The following MYPN variants were observed in gnomAD, a reference collection of about 807,000 sequenced individuals.
MYPN encodes the protein myopalladin.
MYPN carries 63 observed loss-of-function variants against 129.4 expected under a neutral mutation model. That is an observed-to-expected ratio of 0.49 (90% CI 0.40 to 0.60). The LOEUF (loss-of-function observed/expected upper bound fraction) is 0.60. MYPN is among the 20% of genes least tolerant of loss of function. The probability of loss-of-function intolerance (pLI) is 0.00; values close to 1 mark genes in which losing one functional copy is unlikely to be tolerated. For missense variants in MYPN, 1,596 were observed against 1,635.4 expected, an observed-to-expected ratio of 0.98 and a Z score of 0.42; for synonymous variants, 629 against 600.9, an observed-to-expected ratio of 1.05 and a Z score of -0.68.
At position 68,186,699 on chromosome 10, in the gene MYPN, T is replaced by C. The variant is rs1423343122; in HGVS notation, c.2704-2206T>C. 2.0e-5 allele frequency among the ~76,000 whole-genome samples: 3 copies of C among 152,302 alleles called. No individual in the cohort carries two copies. In the East Asian group the frequency reaches 5.8e-4, roughly 29 times the overall value. On this transcript the variant is annotated intron_variant, in intron 12 of 19. Transcript: ENST00000358913. ...GATCTTATTGAGCGCTCACCTGCCA[T>C]GGTGCAGGTACTCTTCTAGGTGCTG...
At chr10:68,109,861 C>A in intron 1 of MYPN, 138 bp downstream of exon 1, 1 of 341,700 alleles carries the variant, frequency 2.9e-6, no homozygotes. Context: ...TGACGGGACA[C>A]GAAATTAAGT....
intron 2 of MYPN, chr10:68,136,719 C>T (rs1194532768): frequency 1.3e-6 from 2 of 1,535,214 alleles, no homozygotes; most frequent in Admixed American, 2.0e-5. Flanking sequence ...TAGATGTTTC[C>T]ACTCTCATTT....
intron 10 of MYPN, among the ~76,000 whole-genome samples, chr10:68,170,183 T>C (rs903253141): frequency 6.6e-6 from 1 of 152,180 alleles, no homozygotes; most frequent in African/African-American, 2.4e-5. Flanking sequence ...AGTCCCTAGC[T>C]GCACATATTG....
rs767145495 is a variant in MYPN, at chr10:68,194,520, C to T, written c.3075+8C>T. 7 of 1,612,534 alleles carry T rather than the reference C, an allele frequency of 4.3e-6. No homozygotes were observed. The highest frequency in any genetic ancestry group is 3.3e-5 in the Admixed American group (2 of 59,912). On this transcript the variant is annotated splice_region_variant and intron_variant, in intron 14 of 19. Coordinates refer to ENST00000358913, the MANE Select transcript of MYPN (RefSeq NM_032578.4). ...ATGGCAGCCAACCCCCAGGTGGAGA[C>T]GCAGGGTTCTGCGCTGTGCTGCACT...
chr10:68,107,725 T>C (rs141592652), upstream of MYPN, among the ~76,000 whole-genome samples: 954 of 152,308 alleles, frequency 6.3e-3, 6 homozygotes, highest in Admixed American at 0.01. Context: ...CTAATTTCAC[T>C]GCCCAACCAG....
rs1186058299 is a variant in MYPN at position 68,166,440 on chromosome 10, G to C, written c.1747G>C (p.Val583Leu). 1 of 1,614,112 alleles carries C rather than the reference G, an allele frequency of 6.2e-7. No homozygotes were observed. Among genetic ancestry groups the C allele is most frequent in the South Asian group, 1.1e-5 (1 of 91,074 alleles). The change falls in exon 10 of 20, where the codon GTG becomes CTG. Residue 583 changes from valine (V) to leucine (L), a missense_variant. Transcript: ENST00000358913. Reference sequence around the variant, plus strand: ...CAAACCCAAACTCGAGGGGGTTCTGGTGAACCACAATGAGCCCCGGTCCAG... The same window carrying C: ...CAAACCCAAACTCGAGGGGGTTCTGCTGAACCACAATGAGCCCCGGTCCAG... ...PPKPKLEGVL[V>L]NHNEPRSSSR...
intron 2 of MYPN, among the ~76,000 whole-genome samples, chr10:68,137,058 A>G (rs1209240215): frequency 6.6e-6 from 1 of 152,198 alleles, no homozygotes; most frequent in Non-Finnish European, 1.5e-5. Context: ...ATTAGAATTT[A>G]AAACTGAAAA....
exon 1 of MYPN, among the ~76,000 whole-genome samples, chr10:68,087,939 C>T (rs2041914693): frequency 6.6e-6 from 1 of 152,188 alleles, no homozygotes; most frequent in Non-Finnish European, 1.5e-5. Flanking sequence ...GGCTGGGAGT[C>T]CCGGCTGGAA....
In MYPN at chr10:68,194,276, G is replaced by A. The variant is rs1313881944; in HGVS notation, c.2926-87G>A. On this transcript the variant is annotated intron_variant, in intron 13 of 19. Transcript: ENST00000358913. ...AAGTATGGTCACTTAAAAGATGGCA[G>A]TTGGCCCTTTCCTCACCCCAGACCC... is the stretch of plus-strand genomic sequence containing the variant. 6.4e-6 allele frequency: 9 copies of A among 1,408,102 alleles called. No homozygotes were observed. In the South Asian group the frequency reaches 9.6e-5, roughly 15 times the overall value. The allele number at this position is 1,408,102 out of a possible 1,614,324, so 87.2% of individuals were successfully genotyped here.
At chr10:68,100,573 A>G (rs892844778) in intron 1 of MYPN, among the ~76,000 whole-genome samples, 7 of 152,182 alleles carry the variant, frequency 4.6e-5, no homozygotes, top group Admixed American at 4.6e-4. Context: ...TACAGGGTGG[A>G]TAGAAAGCAA....
intron 12 of MYPN, among the ~76,000 whole-genome samples, chr10:68,187,312 A>G (rs1289050045): frequency 6.6e-6 from 1 of 152,000 alleles, no homozygotes; most frequent in Non-Finnish European, 1.5e-5. Context: ...ATCTCAAAAA[A>G]AAAAAAAAAT....
At chr10:68,210,134 T>C in intron 19 of MYPN, 152 bp from the exon 20 acceptor site, 1 of 789,886 alleles carries the variant, frequency 1.3e-6, no homozygotes, top group Non-Finnish European at 2.0e-6. Context: ...ATTGTTCTCT[T>C]CTACAAACGA....
chr10:68,106,999 A>G (rs1466964532), upstream of MYPN, among the ~76,000 whole-genome samples: 1 of 152,236 alleles, frequency 6.6e-6, no homozygotes, highest in African/African-American at 2.4e-5. Flanking sequence ...TGGGCATTAG[A>G]AAGTTTTAAA....
In MYPN at chr10:68,211,798, C is replaced by T. The variant is rs564212978; in HGVS notation, c.*1343C>T. 8 of 454,118 alleles carry T rather than the reference C, an allele frequency of 1.8e-5. No individual in the cohort carries two copies. The highest frequency in any genetic ancestry group is 1.6e-4 in the African/African-American group (8 of 50,136). 28.1% of individuals were successfully genotyped at this position (454,118 alleles called of 1,614,324 possible). On this transcript the variant is annotated 3_prime_UTR_variant, in exon 20 of 20. Coordinates refer to ENST00000358913, the MANE Select transcript of MYPN (RefSeq NM_032578.4). ...CAGTCCAAACACTGCCCTGGGAATGCTCATCACAGCACAGTTTGCTCTAGG... is the reference window on the plus strand; with the variant it reads ...CAGTCCAAACACTGCCCTGGGAATGTTCATCACAGCACAGTTTGCTCTAGG...
chr10:68,131,975 G>T (rs536817871), intron 2 of MYPN, among the ~76,000 whole-genome samples: 2 of 152,146 alleles, frequency 1.3e-5, no homozygotes, highest in Admixed American at 6.5e-5. Context: ...TTTTGGGTGT[G>T]TTCTTCCTTT....
intron 1 of MYPN, among the ~76,000 whole-genome samples, chr10:68,089,079 C>T (rs1423300731): frequency 1.3e-5 from 2 of 152,148 alleles, no homozygotes; most frequent in East Asian, 1.9e-4. Flanking sequence ...TTACCCAGGA[C>T]GGAGTGCAGT....
At chr10:68,175,001 T>C (rs951954469) in intron 11 of MYPN, among the ~76,000 whole-genome samples, 2 of 151,826 alleles carry the variant, frequency 1.3e-5, no homozygotes, top group African/African-American at 4.8e-5. Flanking sequence ...GCTGGGCGTG[T>C]TGGTGCATGC....
At position 68,211,263 on chromosome 10, in the gene MYPN, A is replaced by G. The variant is rs1482629413; in HGVS notation, c.*808A>G. 2.2e-6 allele frequency: 1 copy of G among 453,980 alleles called. No individual in the cohort carries two copies. Among genetic ancestry groups the G allele is most frequent in the Non-Finnish European group, 4.4e-6 (1 of 226,790 alleles). The allele number at this position is 453,980 out of a possible 1,614,324, so 28.1% of individuals were successfully genotyped here. A position where few individuals can be genotyped will look rare whatever the true frequency, so the allele number is the denominator to read the frequency against. Reference sequence around the variant, plus strand: ...AGAAATCCTCTGTGGGGTCACTTTAAAAACTACTAGCTTCAACTACCACTT... The same window carrying G: ...AGAAATCCTCTGTGGGGTCACTTTAGAAACTACTAGCTTCAACTACCACTT... On this transcript the variant is annotated 3_prime_UTR_variant, in exon 20 of 20. Transcript: ENST00000358913.
upstream of MYPN, chr10:68,109,134 T>G (rs920285870): frequency 2.5e-5 from 4 of 158,618 alleles, no homozygotes; most frequent in African/African-American, 7.2e-5. Flanking sequence ...TGGCTTTTCA[T>G]AGCCAAATGT....
Sources: gnomAD v4.1 joint callset for allele counts (sites outside exome capture counted in the v4.1 genomes callset) on GRCh38, gnomAD v4.1.1 for gene constraint, MANE v1.5 for transcripts, NCBI Gene and HGNC (gene_info 2026-07-23, HGNC 2026-07-21) for gene names.